The following ATP11C variants were observed in gnomAD, a reference collection of about 807,000 sequenced individuals.
The protein encoded by ATP11C is ATPase phospholipid transporting 11C (ATP11C blood group).
In ATP11C, 36 loss-of-function variants were observed where a neutral mutation model predicts 97.4. The ratio of observed to expected loss-of-function variants is 0.37; its 90% confidence interval spans 0.28 to 0.49. ATP11C has a LOEUF of 0.49. Among genes scored for constraint, ATP11C ranks in the 20% least tolerant of loss-of-function variants. The pLI is 0.98. For synonymous variants in ATP11C, 275 were observed against 290.9 expected, an observed-to-expected ratio of 0.95 and a Z score of 0.56; for missense variants, 730 against 824.6, an observed-to-expected ratio of 0.89 and a Z score of 1.40.
In ATP11C at chrX:139,870,707, T is replaced by C. The variant is rs186772574; in HGVS notation, c.28-43884A>G. ...CCCATATGAAATAATTTGTAATATA[T>C]AGTAAGTTAAAAACTAAATTGAATA... On this transcript the variant is annotated intron_variant, in intron 1 of 29. Transcript: ENST00000682941. Among the ~76,000 whole-genome samples the C allele has an allele frequency of 3.8e-4, 43 of 112,532 alleles. No individual in the cohort carries two copies. In the East Asian group the frequency reaches 0.01, roughly 27 times the overall value.
At chrX:139,833,409 C>T (rs1004105923) in intron 1 of ATP11C, among the ~76,000 whole-genome samples, 1 of 111,450 alleles carries the variant, frequency 9.0e-6, no homozygotes, top group African/African-American at 3.3e-5. Flanking sequence ...GGGCGGGGGG[C>T]GCATTCTTCC....
rs751729162 is a variant in ATP11C at position 139,878,016 on chromosome X, ACT to A, written c.28-51195_28-51194del. On this transcript the variant is annotated intron_variant, in intron 1 of 29. Transcript: ENST00000682941. ...CTAGCCTGGACAAAGAGCAAGTGAG[ACT>A]CTGTCTCAAAGAGGAAAAAACAAAC... Among the ~76,000 whole-genome samples the A allele has an allele frequency of 3.4e-3, 381 of 111,381 alleles. 1 individual carries two copies. The highest frequency in any genetic ancestry group is 0.012 in the African/African-American group (355 of 30,557).
At chrX:139,891,213 A>G (rs1055871772) in intron 1 of ATP11C, among the ~76,000 whole-genome samples, 8 of 108,045 alleles carry the variant, frequency 7.4e-5, no homozygotes, top group African/African-American at 2.7e-4. Context: ...AAAAAAAAAA[A>G]AAAAAAGAAG....
At chrX:139,887,461 C>A (rs1358001521) in intron 1 of ATP11C, among the ~76,000 whole-genome samples, 1 of 108,853 alleles carries the variant, frequency 9.2e-6, no homozygotes, top group Non-Finnish European at 1.9e-5. Flanking sequence ...CCTGTTTCTA[C>A]AAAAAAAACC....
intron 1 of ATP11C, among the ~76,000 whole-genome samples, chrX:139,866,343 C>CAAAAAAAAAA (rs57250412): frequency 8.4e-4 from 23 of 27,521 alleles, no homozygotes; most frequent in East Asian, 6.8e-3. Context: ...GACTCTGTCT[C>CAAAAAAAAAA]AAAAAAAAAA....
chrX:139,743,691 A>T (rs957549640), intron 25 of ATP11C, 67 bp from the exon 26 acceptor site: 18 of 632,808 alleles, frequency 2.8e-5, no homozygotes, highest in Non-Finnish European at 4.1e-5. Context: ...TTTTTCATTT[A>T]AAAAAAAAGC....
intron 1 of ATP11C, among the ~76,000 whole-genome samples, chrX:139,844,444 G>A (rs982546767): frequency 1.8e-5 from 2 of 110,389 alleles, no homozygotes; most frequent in Non-Finnish European, 3.8e-5. Context: ...GGAAAGGCCT[G>A]GTGCCGAGTA....
At chrX:139,931,081 C>T (rs1354255737) in intron 1 of ATP11C, among the ~76,000 whole-genome samples, 1 of 112,056 alleles carries the variant, frequency 8.9e-6, no homozygotes, top group Admixed American at 9.4e-5. Context: ...CCCGCCACCA[C>T]CTCTTGCAAT....
At chrX:139,734,525 TG>T (rs1381691978) in intron 28 of ATP11C, among the ~76,000 whole-genome samples, 1 of 111,696 alleles carries the variant, frequency 9.0e-6, no homozygotes, top group Non-Finnish European at 1.9e-5. Context: ...AAATGTGAAA[TG>T]GTATTTGCTA....
intron 1 of ATP11C, among the ~76,000 whole-genome samples, chrX:139,907,460 A>T (rs1176552529): frequency 9.0e-6 from 1 of 111,729 alleles, no homozygotes; most frequent in Non-Finnish European, 1.9e-5. Context: ...ATAGAAAAGA[A>T]GCTGCTGGCC....
chrX:139,916,071 A>C lies in ATP11C; in HGVS notation c.27+15945T>G, dbSNP rs192596054. 4.4e-3 allele frequency among the ~76,000 whole-genome samples: 481 copies of C among 110,418 alleles called. 4 individuals carry two copies. The highest frequency in any genetic ancestry group is 7.1e-3 in the Non-Finnish European group (377 of 52,841). Reference sequence around the variant, plus strand: ...TGGTGAAACCCTGTCTCTACTAAAAATACAAAAATTAGCTGTGCGTGGTGG... The same window carrying C: ...TGGTGAAACCCTGTCTCTACTAAAACTACAAAAATTAGCTGTGCGTGGTGG... On this transcript the variant is annotated intron_variant, in intron 1 of 29. Coordinates refer to ENST00000682941, the MANE Select transcript of ATP11C (RefSeq NM_001353812.2).
chrX:139,822,399 T>G (rs747001615), intron 2 of ATP11C, among the ~76,000 whole-genome samples: 18 of 104,677 alleles, frequency 1.7e-4, no homozygotes, highest in Non-Finnish European at 3.1e-4. Flanking sequence ...TTTGGGTTTT[T>G]TTTGTTTGTT....
intron 1 of ATP11C, among the ~76,000 whole-genome samples, chrX:139,925,073 G>C (rs925106234): frequency 1.1e-4 from 12 of 111,452 alleles, no homozygotes; most frequent in Middle Eastern, 4.6e-3. Context: ...CCATTCTATC[G>C]ATGAAGAAAC....
chrX:139,757,697 G>C (rs1222535264), intron 23 of ATP11C, 111 bp downstream of exon 23: 5 of 465,590 alleles, frequency 1.1e-5, no homozygotes, highest in Non-Finnish European at 1.7e-5. Context: ...AAAACCAAGA[G>C]ATCATTTTAC....
chrX:139,911,952 G>T (rs886727409), intron 1 of ATP11C, among the ~76,000 whole-genome samples: 3 of 109,496 alleles, frequency 2.7e-5, no homozygotes, highest in African/African-American at 1.0e-4. Context: ...CCGAGGGAGG[G>T]CGGATCACTT....
chrX:139,774,942 T>C lies in ATP11C; in HGVS notation c.1964A>G (p.Gln655Arg). 1 of 1,204,136 alleles carries C rather than the reference T, an allele frequency of 8.3e-7. No individual in the cohort carries two copies. The highest frequency in any genetic ancestry group is 1.1e-6 in the Non-Finnish European group (1 of 891,602). The change falls in exon 19 of 30, where the codon CAA (glutamine) becomes CGA (arginine). Residue 655 changes from glutamine (Q) to arginine (R), a missense_variant. Physicochemically the swap from Gln to Arg is conservative, Grantham distance 43. Transcript: ENST00000682941. ...ATAVEDKLQD[Q>R]AAETIEALHA... The stretch of plus-strand genomic sequence containing the variant: ...CAGAGCTTCAATGGTCTCTGCAGCT[T>C]GATCTTGTAGCCTGGGAACACAAAA...
rs1447274412 is a variant in ATP11C at position 139,788,174 on chromosome X, T to A, written c.1520+18A>T. On this transcript the variant is annotated intron_variant, in intron 14 of 29. Transcript: ENST00000682941. ...TGATTTCACTTTCTTAGGAGAAGTA[T>A]AAGAAAGTATACTTTACCTTTTAGC... 8.5e-7 allele frequency: 1 copy of A among 1,175,752 alleles called. No individual in the cohort carries two copies. The highest frequency in any genetic ancestry group is 1.1e-6 in the Non-Finnish European group (1 of 873,568).
At chrX:139,786,056 T>G (rs1484003406) in intron 15 of ATP11C, among the ~76,000 whole-genome samples, 1 of 111,150 alleles carries the variant, frequency 9.0e-6, no homozygotes, top group East Asian at 2.9e-4. Flanking sequence ...AACACATCTT[T>G]GTGAGCCATT....
At chrX:139,745,537 C>T in intron 25 of ATP11C, among the ~76,000 whole-genome samples, 185 bp downstream of exon 25, 1 of 112,162 alleles carries the variant, frequency 8.9e-6, no homozygotes, top group Non-Finnish European at 1.9e-5. Context: ...TAGCCATGCA[C>T]AGAAAGTGAT....
Sources: gnomAD v4.1 joint callset for allele counts (sites outside exome capture counted in the v4.1 genomes callset) on GRCh38, gnomAD v4.1.1 for gene constraint, MANE v1.5 for transcripts, NCBI Gene and HGNC (gene_info 2026-07-23, HGNC 2026-07-21) for gene names.